ANKRD28: variants seen among roughly 807,000 people sequenced by gnomAD.
ANKRD28 encodes the protein ankyrin repeat domain 28.
ANKRD28 carries 44 observed loss-of-function variants against 126.5 expected under a neutral mutation model. That is an observed-to-expected ratio of 0.35 (90% CI 0.27 to 0.45). The LOEUF is 0.45. Ranked by LOEUF, ANKRD28 falls within the 20% of genes least tolerant of loss-of-function variation. The probability of loss-of-function intolerance (pLI) is 1.00; values close to 1 mark genes in which losing one functional copy is unlikely to be tolerated. For missense variants in ANKRD28, 1,110 were observed against 1,316.6 expected, an observed-to-expected ratio of 0.84 and a Z score of 2.43; for synonymous variants, 442 against 468.5, an observed-to-expected ratio of 0.94 and a Z score of 0.73.
rs1016388331 is a variant in ANKRD28, at chr3:15,845,669, ACT to A, written c.27+13706_27+13707del. Among the ~76,000 whole-genome samples, 1 of 152,088 alleles carries A rather than the reference ACT, an allele frequency of 6.6e-6. No individual in the cohort carries two copies. Among genetic ancestry groups the A allele is most frequent in the Non-Finnish European group, 1.5e-5 (1 of 68,022 alleles). On this transcript the variant is annotated intron_variant, in intron 1 of 27. Coordinates refer to the ANKRD28 transcript ENST00000399451. This position sits in a 1 kb window ranked among gnomAD's most constrained non-coding sequence, Gnocchi z 4.9. ...GTTGTTAACCTTCACGTATTAGTCC[ACT>A]CTCACACTGCTATAAATAACTACCT...
rs774735205 is a variant in ANKRD28, at chr3:15,853,594, C to T, written c.27+5783G>A. Among the ~76,000 whole-genome samples, 6 of 152,014 alleles carry T rather than the reference C, an allele frequency of 3.9e-5. No homozygotes were observed. In the East Asian group the frequency reaches 5.8e-4, roughly 15 times the overall value. The stretch of plus-strand genomic sequence containing the variant: ...ATGCCATTCTCCTGCCTCAGCCTCT[C>T]GAGTAGCTGGGACTACAGGCGCCCG... On this transcript the variant is annotated intron_variant, in intron 1 of 27. Coordinates refer to the ANKRD28 transcript ENST00000399451. The surrounding 1 kb of genome is among the most constrained non-coding windows in gnomAD (Gnocchi z 4.2).
rs1049744209 is a variant in ANKRD28, at chr3:15,719,420, G to C, written c.996+1495C>G. ...AGATACAGTTTGGCAAGTGCTCAAA[G>C]GATGAATTGATAAAATTAATACAGA... is the stretch of plus-strand genomic sequence containing the variant. On this transcript the variant is annotated intron_variant, in intron 8 of 27. Transcript: ENST00000683139. 3.9e-5 allele frequency among the ~76,000 whole-genome samples: 6 copies of C among 152,070 alleles called. No individual in the cohort carries two copies. In the South Asian group the frequency reaches 1.2e-3, roughly 32 times the overall value.
chr3:15,798,223 C>T (rs1234442869), upstream of ANKRD28: 10 of 949,586 alleles, frequency 1.1e-5, no homozygotes, highest in East Asian at 7.0e-4. Context: ...GGCTTAACTG[C>T]TTTCGTGTGT....
At chr3:15,794,374 G>A (rs1219926885) in intron 2 of ANKRD28, among the ~76,000 whole-genome samples, 1 of 151,164 alleles carries the variant, frequency 6.6e-6, no homozygotes, top group Non-Finnish European at 1.5e-5. Flanking sequence ...AGCTTGCAAT[G>A]GGTGCTTTCT....
At chr3:15,716,813 A>G (rs922462916) in intron 8 of ANKRD28, among the ~76,000 whole-genome samples, 11 of 152,312 alleles carry the variant, frequency 7.2e-5, no homozygotes, top group African/African-American at 1.9e-4. Context: ...AACACTTCAT[A>G]TGGTCAGGCA....
intron 21 of ANKRD28, among the ~76,000 whole-genome samples, chr3:15,679,985 T>C (rs1317988686): frequency 6.6e-6 from 1 of 152,156 alleles, no homozygotes; most frequent in Non-Finnish European, 1.5e-5. Flanking sequence ...AGAATGTGCA[T>C]AGGTTATATG....
Position 15,741,198 on chromosome 3 carries a change from C to CA in ANKRD28, c.352-3966dup, listed in dbSNP as rs199725226. ...TGGGCGACAGAGCGAGACTCCATCT[C>CA]AAAAAAAAAAAACAAAAAACAAAAA... On this transcript the variant is annotated intron_variant, in intron 4 of 27. Transcript: ENST00000683139. 3.5e-3 allele frequency among the ~76,000 whole-genome samples: 484 copies of CA among 139,824 alleles called. 2 individuals carry two copies. Among genetic ancestry groups the CA allele is most frequent in the African/African-American group, 0.012 (416 of 35,848 alleles). The allele number at this position is 139,824 out of a possible 152,430, so 91.7% of individuals were successfully genotyped here. A position where few individuals can be genotyped will look rare whatever the true frequency, so the allele number is the denominator to read the frequency against.
intron 26 of ANKRD28, 30 bp from the exon 27 acceptor site, chr3:15,676,019 A>C: frequency 6.3e-7 from 1 of 1,579,568 alleles, no homozygotes; most frequent in Non-Finnish European, 8.7e-7. Flanking sequence ...ACATGTACAC[A>C]TATGTGCATG....
At chr3:15,722,031 C>A (rs2073788232) in intron 7 of ANKRD28, among the ~76,000 whole-genome samples, 2 of 152,126 alleles carry the variant, frequency 1.3e-5, no homozygotes, top group Admixed American at 6.6e-5. Flanking sequence ...AGGCGTGAGA[C>A]CCTGTGCCCA....
chr3:15,681,651 T>C (rs2067558612), intron 21 of ANKRD28, among the ~76,000 whole-genome samples: 1 of 152,236 alleles, frequency 6.6e-6, no homozygotes, highest in African/African-American at 2.4e-5. Flanking sequence ...GCTTAAACTT[T>C]ACCCTATAAT....
Position 15,676,966 on chromosome 3 carries a change from G to T in ANKRD28, c.2873+8C>A. On this transcript the variant is annotated splice_region_variant and intron_variant, in intron 26 of 27. Coordinates refer to ENST00000683139, the MANE Select transcript of ANKRD28 (RefSeq NM_001349278.2). ...ACAAAGTTTATACTAGATACTGACA[G>T]TACTCACGTTTGCAAGGCTGCGTTG... 6.2e-7 allele frequency: 1 copy of T among 1,607,638 alleles called. No homozygotes were observed. Among genetic ancestry groups the T allele is most frequent in the Non-Finnish European group, 8.5e-7 (1 of 1,174,690 alleles).
At chr3:15,859,510 G>T in exon 1 of ANKRD28, 3 of 1,090,974 alleles carry the variant, frequency 2.7e-6, no homozygotes, top group Non-Finnish European at 3.8e-6. Flanking sequence ...CGCTGCCCGG[G>T]ACCAGCGGGT....
At chr3:15,719,664 G>A (rs1005003441) in intron 8 of ANKRD28, among the ~76,000 whole-genome samples, 1 of 152,044 alleles carries the variant, frequency 6.6e-6, no homozygotes, top group Admixed American at 6.6e-5. Context: ...GAACTTCTGG[G>A]CTCAAGTGAT....
At chr3:15,749,101 G>GTTTTTTTTT (rs869266246) in intron 4 of ANKRD28, among the ~76,000 whole-genome samples, 16 of 53,070 alleles carry the variant, frequency 3.0e-4, no homozygotes, top group East Asian at 1.3e-3. Context: ...TTATGTTTTT[G>GTTTTTTTTT]TTTTTTTTTT....
chr3:15,747,874 G>A (rs1211389016), intron 4 of ANKRD28, among the ~76,000 whole-genome samples: 1 of 152,180 alleles, frequency 6.6e-6, no homozygotes, highest in Non-Finnish European at 1.5e-5. Flanking sequence ...GGGAGCTCCA[G>A]TGTTAGGAGC....
chr3:15,857,206 C>T (rs1305898513), intron 1 of ANKRD28, among the ~76,000 whole-genome samples: 1 of 152,192 alleles, frequency 6.6e-6, no homozygotes, highest in Non-Finnish European at 1.5e-5. Context: ...CCAAGAGAGA[C>T]CAGATGAGCC....
chr3:15,823,646 T>C (rs1194595815), intron 1 of ANKRD28, among the ~76,000 whole-genome samples: 1 of 152,134 alleles, frequency 6.6e-6, no homozygotes, highest in Non-Finnish European at 1.5e-5. Flanking sequence ...CTAACATCCC[T>C]TATGATTATG....
rs2061723037 is a variant in ANKRD28 at position 15,854,620 on chromosome 3, A to G, written c.27+4757T>C. Reference sequence around the variant, plus strand: ...TAATATGCTCCACATGTTTTCCTTCAGCCTCTATAAGTCTCTTCATGTGAT... The same window carrying G: ...TAATATGCTCCACATGTTTTCCTTCGGCCTCTATAAGTCTCTTCATGTGAT... On this transcript the variant is annotated intron_variant, in intron 1 of 27. Transcript: ENST00000399451. The surrounding 1 kb of genome is among the most constrained non-coding windows in gnomAD (Gnocchi z 4.1). 6.6e-6 allele frequency among the ~76,000 whole-genome samples: 1 copy of G among 152,040 alleles called. No individual in the cohort carries two copies. Among genetic ancestry groups the G allele is most frequent in the African/African-American group, 2.4e-5 (1 of 41,394 alleles).
At chr3:15,774,779 G>A (rs768886223) in intron 2 of ANKRD28, among the ~76,000 whole-genome samples, 1 of 152,220 alleles carries the variant, frequency 6.6e-6, no homozygotes. Context: ...TGCAACACAC[G>A]CAAGTCAAAA....
Sources: allele counts gnomAD v4.1 joint callset (sites outside exome capture counted in the v4.1 genomes callset), GRCh38; gene constraint gnomAD v4.1.1; non-coding constraint Gnocchi (gnomAD v3.1); transcripts MANE v1.5; gene names NCBI Gene and HGNC (gene_info 2026-07-23, HGNC 2026-07-21).